The following CSMD1 variants were observed in gnomAD, a reference collection of about 807,000 sequenced individuals.
CSMD1 encodes the protein CUB and Sushi multiple domains 1, also known as CUB and sushi domain-containing protein 1.
In CSMD1, 213 loss-of-function variants were observed where a neutral mutation model predicts 417.5. The observed-to-expected ratio is 0.51, with a 90% CI of 0.46 to 0.57. CSMD1 has a LOEUF of 0.57. CSMD1 is among the 20% of genes least tolerant of loss of function. CSMD1 has a pLI of 0.00. For missense variants in CSMD1, 6,923 were observed against 4,529.7 expected (o/e 1.53, Z -15.17); for synonymous variants, 2,862 against 1,736.8 (o/e 1.65, Z -16.11).
intron 5 of CSMD1, among the ~76,000 whole-genome samples, chr8:3,795,136 T>C (rs1394690491): frequency 9.7e-6 from 1 of 102,868 alleles, no homozygotes; most frequent in Non-Finnish European, 2.0e-5. Context: ...TGTACAGCTA[T>C]AGATATCTAT....
intron 8 of CSMD1, among the ~76,000 whole-genome samples, chr8:3,608,066 G>A (rs1383393634): frequency 6.6e-6 from 1 of 152,090 alleles, no homozygotes; most frequent in Non-Finnish European, 1.5e-5. Flanking sequence ...CATCTACTCA[G>A]GAGGCTGAGG....
At position 3,144,086 on chromosome 8, in the gene CSMD1, C is replaced by G. The variant is rs549005996; in HGVS notation, c.6032-1412G>C. Among the ~76,000 whole-genome samples, 8 of 152,292 alleles carry G rather than the reference C, an allele frequency of 5.3e-5. No individual in the cohort carries two copies. In the South Asian group the frequency reaches 1.7e-3, roughly 32 times the overall value. ...CTTGGTGGGCATCACGTAGGGCCAA[C>G]AGTATGCCTGGGGTCCGATTTGCCA... On this transcript the variant is annotated intron_variant, in intron 40 of 69. Coordinates refer to ENST00000635120, the MANE Select transcript of CSMD1 (RefSeq NM_033225.6).
chr8:4,545,316 C>T (rs201839355), intron 2 of CSMD1, among the ~76,000 whole-genome samples: 2 of 152,214 alleles, frequency 1.3e-5, no homozygotes, highest in East Asian at 1.9e-4. Context: ...CAGTTTCTAA[C>T]ACCAGAAAAG....
At chr8:4,952,771 A>T (rs961173941) in intron 1 of CSMD1, among the ~76,000 whole-genome samples, 1 of 152,094 alleles carries the variant, frequency 6.6e-6, no homozygotes, top group Non-Finnish European at 1.5e-5. Flanking sequence ...CTGTAATTTC[A>T]ATTTATAGCT....
At chr8:3,257,402 A>G (rs1038469223) in intron 26 of CSMD1, among the ~76,000 whole-genome samples, 1 of 152,204 alleles carries the variant, frequency 6.6e-6, no homozygotes, top group African/African-American at 2.4e-5. Flanking sequence ...ACAAATTAGG[A>G]TCTCTTTCCT....
intron 5 of CSMD1, among the ~76,000 whole-genome samples, chr8:3,804,765 A>G (rs1267200479): frequency 1.3e-5 from 2 of 152,236 alleles, no homozygotes; most frequent in African/African-American, 2.4e-5. Flanking sequence ...TTAATTTTAC[A>G]GTAGCTGAGA....
chr8:3,485,775 AATAAAATAAAAT>A (rs1166795861), intron 11 of CSMD1, among the ~76,000 whole-genome samples: 1 of 87,402 alleles, frequency 1.1e-5, no homozygotes, highest in African/African-American at 4.9e-5. Flanking sequence ...AATAAAATAA[AATAAAATAAAAT>A]AAAATAAAAT....
intron 18 of CSMD1, among the ~76,000 whole-genome samples, chr8:3,370,731 T>C (rs1809893262): frequency 6.6e-6 from 1 of 152,104 alleles, no homozygotes; most frequent in African/African-American, 2.4e-5. Context: ...TCCCAGCACT[T>C]TGGGAGGCTG....
chr8:3,261,498 C>CA (rs553505788), intron 26 of CSMD1, among the ~76,000 whole-genome samples: 2 of 152,100 alleles, frequency 1.3e-5, no homozygotes, highest in East Asian at 1.9e-4. Context: ...ACCTGAACCC[C>CA]AAAAACTTAC....
At position 3,850,949 on chromosome 8, in the gene CSMD1, T is replaced by C. The variant is rs181594996; in HGVS notation, c.819-96907A>G. Among the ~76,000 whole-genome samples, 20 of 152,294 alleles carry C rather than the reference T, an allele frequency of 1.3e-4. No homozygotes were observed. In the East Asian group the frequency reaches 3.5e-3, roughly 26 times the overall value. ...AGAAATAAGAATTACTTCTTTTAAC[T>C]TGTTGTTATATAAAATAACAGATGA... On this transcript the variant is annotated intron_variant, in intron 5 of 69. Coordinates refer to ENST00000635120, the MANE Select transcript of CSMD1 (RefSeq NM_033225.6).
chr8:3,621,264 G>C (rs989072887), intron 7 of CSMD1, among the ~76,000 whole-genome samples: 1 of 152,074 alleles, frequency 6.6e-6, no homozygotes, highest in African/African-American at 2.4e-5. Flanking sequence ...CCAAACCAAA[G>C]ACATAGGTTG....
intron 26 of CSMD1, among the ~76,000 whole-genome samples, chr8:3,265,483 C>T (rs1801368608): frequency 1.3e-5 from 2 of 152,106 alleles, no homozygotes; most frequent in Admixed American, 1.3e-4. Context: ...TGTTTAACCG[C>T]AACCTGTCAT....
chr8:4,935,747 C>A (rs1218277830), intron 1 of CSMD1, among the ~76,000 whole-genome samples: 2 of 152,160 alleles, frequency 1.3e-5, no homozygotes, highest in East Asian at 1.9e-4. Context: ...AAAATAAAAT[C>A]TGAGAAGTTC....
intron 2 of CSMD1, among the ~76,000 whole-genome samples, chr8:4,538,226 A>G (rs1302572058): frequency 6.9e-6 from 1 of 145,654 alleles, no homozygotes; most frequent in Non-Finnish European, 1.5e-5. Context: ...TACTGCCTTG[A>G]TGTATGTGGC....
chr8:3,364,012 C>A (rs886353442), intron 20 of CSMD1, among the ~76,000 whole-genome samples: 2 of 152,086 alleles, frequency 1.3e-5, no homozygotes, highest in Non-Finnish European at 2.9e-5. Flanking sequence ...TTTAATAAGG[C>A]CTTCTGAGAA....
Position 4,129,085 on chromosome 8 carries a change from A to C in CSMD1, c.416-96986T>G, listed in dbSNP as rs536912655. Among the ~76,000 whole-genome samples, 4 of 151,346 alleles carry C rather than the reference A, an allele frequency of 2.6e-5. 1 individual carries two copies. The East Asian group carries it at 7.8e-4, about 29-fold the overall frequency. Reference sequence around the variant, plus strand: ...GTGAGAGTCCAACTCAAAAAAAAAAAAAAAAAACAAAACAAAAAAAACAGA... The same window carrying C: ...GTGAGAGTCCAACTCAAAAAAAAAACAAAAAAACAAAACAAAAAAAACAGA... On this transcript the variant is annotated intron_variant, in intron 3 of 69. Coordinates refer to ENST00000635120, the MANE Select transcript of CSMD1 (RefSeq NM_033225.6).
intron 3 of CSMD1, among the ~76,000 whole-genome samples, chr8:4,167,034 C>G (rs1380633363): frequency 6.6e-6 from 1 of 152,132 alleles, no homozygotes; most frequent in Non-Finnish European, 1.5e-5. Context: ...TCCCAGGGGA[C>G]TGCTAGAAAA....
chr8:3,232,405 T>G (rs997970483), intron 26 of CSMD1, among the ~76,000 whole-genome samples: 2 of 152,238 alleles, frequency 1.3e-5, no homozygotes, highest in African/African-American at 4.8e-5. Flanking sequence ...CATCTACATT[T>G]AGGCATGATG....
In CSMD1 at chr8:4,956,536, AAATAT is replaced by A. The variant is rs528578409; in HGVS notation, c.85+37791_85+37795del. Among the ~76,000 whole-genome samples the A allele has an allele frequency of 5.9e-3, 888 of 149,340 alleles. 10 individuals are homozygous for A. The highest frequency in any genetic ancestry group is 0.021 in the African/African-American group (844 of 41,048). On this transcript the variant is annotated intron_variant, in intron 1 of 69. Coordinates refer to ENST00000635120, the MANE Select transcript of CSMD1 (RefSeq NM_033225.6). The stretch of plus-strand genomic sequence containing the variant: ...ACACACGTATTTTAAATATATTATA[AAATAT>A]ATGTGTATATCATAACATATAATAT...
Sources: gnomAD v4.1 joint callset for allele counts (sites outside exome capture counted in the v4.1 genomes callset) on GRCh38, gnomAD v4.1.1 for gene constraint, MANE v1.5 for transcripts, NCBI Gene and HGNC (gene_info 2026-07-23, HGNC 2026-07-21) for gene names.